The following TTLL6 variants were observed in gnomAD, a reference collection of about 807,000 sequenced individuals.
TTLL6 encodes the protein tubulin tyrosine ligase like 6.
Under a neutral mutation model 96.4 loss-of-function variants are expected in TTLL6, and 75 were observed. The ratio of observed to expected loss-of-function variants is 0.78; its 90% CI spans 0.65 to 0.94. The LOEUF is 0.94. Among genes scored for constraint, TTLL6 ranks in the 40% least tolerant of loss-of-function variants. The pLI is 0.00. For missense variants in TTLL6, 1,030 were observed against 1,093.0 expected (o/e 0.94, Z 0.81); for synonymous variants, 411 against 419.4 (o/e 0.98, Z 0.24).
chr17:48,817,032 G>A lies in TTLL6; in HGVS notation c.41C>T (p.Ala14Val). The A allele has an allele frequency of 6.5e-7, 1 of 1,544,270 alleles. No individual in the cohort carries two copies. The highest frequency in any genetic ancestry group is 8.7e-7 in the Non-Finnish European group (1 of 1,145,726). ...LLLHPSRRGP[A>V]GVVASWTSSP... ...GCTAGTCCAGCTTGCAACCACACCT[G>A]CCGGCCCCCTCCTCGAAGGATGAAG... Residue 14 changes from alanine (A) to valine (V), a missense_variant, in exon 1 of 16, where the codon GCA becomes GTA. Ala to Val is a moderately conservative substitution (Grantham distance 64). Coordinates refer to ENST00000393382, the MANE Select transcript of TTLL6 (RefSeq NM_001130918.3).
intron 13 of TTLL6, among the ~76,000 whole-genome samples, chr17:48,775,578 G>A (rs1018307345): frequency 6.6e-6 from 1 of 150,814 alleles, no homozygotes. Context: ...TTTTGCTCTT[G>A]TTGCCCAGGC....
chr17:48,762,793 C>A lies in TTLL6; in HGVS notation c.*181G>T. ...GCACTGTAAGCTAACTGGGAGGGAA[C>A]AGAGGCAGGGCTGTTGGCCCCATTG... On this transcript the variant is annotated 3_prime_UTR_variant, in exon 16 of 16. Transcript: ENST00000393382. The A allele has an allele frequency of 2.5e-6, 1 of 406,946 alleles. No homozygotes were observed. The highest frequency in any genetic ancestry group is 2.9e-5 in the Admixed American group (1 of 34,096). 25.2% of individuals were successfully genotyped at this position (406,946 alleles called of 1,614,324 possible). A position where few individuals can be genotyped will look rare whatever the true frequency, so the allele number is the denominator to read the frequency against.
In TTLL6 at chr17:48,816,988, C is replaced by A; in HGVS notation, c.85G>T (p.Gly29Trp). ...CTCTTACCCGCAATTCCTACTCCCC[C>A]GTCTCGCCCCGCTGGGCTGCTAGTC... ...SWTSSPAGRD[G>W]GVGIAGAWYF... is the part of the protein sequence containing the mutation. The change falls in exon 1 of 16, where the codon GGG becomes TGG. Residue 29 changes from glycine to tryptophan, a missense_variant. Coordinates refer to ENST00000393382, the MANE Select transcript of TTLL6 (RefSeq NM_001130918.3). 1.3e-6 allele frequency: 2 copies of A among 1,539,010 alleles called. No homozygotes were observed. The highest frequency in any genetic ancestry group is 1.4e-5 in the African/African-American group (1 of 72,586).
intron 13 of TTLL6, among the ~76,000 whole-genome samples, chr17:48,782,117 T>C (rs1567721017): frequency 6.7e-6 from 1 of 150,086 alleles, no homozygotes; most frequent in Non-Finnish European, 1.5e-5. Flanking sequence ...TTTTTTTTTT[T>C]TTTTTTGAGA....
At chr17:48,786,807 G>T (rs2039107641) in intron 11 of TTLL6, among the ~76,000 whole-genome samples, 1 of 151,298 alleles carries the variant, frequency 6.6e-6, no homozygotes, top group Admixed American at 6.6e-5. Flanking sequence ...GGACACAGGG[G>T]AGTTCTGGTC....
At chr17:48,776,532 T>A (rs1187031952) in intron 13 of TTLL6, among the ~76,000 whole-genome samples, 2 of 152,140 alleles carry the variant, frequency 1.3e-5, no homozygotes, top group Non-Finnish European at 2.9e-5. Context: ...TAAGAACAAC[T>A]GGAAATTAAA....
At chr17:48,813,127 AC>A (rs1199348997) in intron 1 of TTLL6, among the ~76,000 whole-genome samples, 1 of 152,030 alleles carries the variant, frequency 6.6e-6, no homozygotes. Context: ...TGTCCATCTG[AC>A]CCCACAGCCT....
At position 48,797,144 on chromosome 17, in the gene TTLL6, C is replaced by A; in HGVS notation, c.829G>T (p.Asp277Tyr). Residue 277 changes from aspartate (D) to tyrosine (Y), a missense_variant, in exon 7 of 16, where the codon GAC becomes TAC. Coordinates refer to ENST00000393382, the MANE Select transcript of TTLL6 (RefSeq NM_001130918.3). ...LRIYVLVTSC[D>Y]PLRIFVYNEG... ...TTGTACACAAAAATCCTGAGAGGGT[C>A]ACAGGATGTCACCAGTACATAAATC... is the stretch of plus-strand genomic sequence containing the variant. The A allele has an allele frequency of 6.4e-7, 1 of 1,551,494 alleles. No individual in the cohort carries two copies. Among genetic ancestry groups the A allele is most frequent in the Non-Finnish European group, 8.7e-7 (1 of 1,146,968 alleles).
intron 1 of TTLL6, among the ~76,000 whole-genome samples, chr17:48,810,821 GTGTGTATATATATATATATATATA>G (rs2039573532): frequency 1.9e-5 from 1 of 51,676 alleles, no homozygotes; most frequent in Non-Finnish European, 3.5e-5. Context: ...TATAGTATGT[GTGTGTATATATATATATATATATA>G]TATATATATA....
At chr17:48,779,638 C>A (rs1277823845) in intron 13 of TTLL6, among the ~76,000 whole-genome samples, 2 of 151,976 alleles carry the variant, frequency 1.3e-5, no homozygotes, top group Non-Finnish European at 2.9e-5. Context: ...AAATAAACAA[C>A]CAAACAAACA....
intron 10 of TTLL6, 77 bp from the exon 11 acceptor site, chr17:48,788,076 G>T: frequency 1.4e-6 from 2 of 1,407,066 alleles, no homozygotes; most frequent in Non-Finnish European, 2.0e-6. Context: ...CCAAGCTGGA[G>T]GTCGTCTAGG....
chr17:48,813,745 AATGTCCAC>A (rs1567739886), intron 1 of TTLL6, among the ~76,000 whole-genome samples: 4 of 152,090 alleles, frequency 2.6e-5, no homozygotes, highest in African/African-American at 9.7e-5. Flanking sequence ...TCTTTTCTCC[AATGTCCAC>A]ATTGTACCAG....
At chr17:48,796,347 C>T (rs1272356091) in intron 7 of TTLL6, among the ~76,000 whole-genome samples, 8 of 152,174 alleles carry the variant, frequency 5.3e-5, no homozygotes, top group Non-Finnish European at 1.2e-4. Context: ...TTCTGCTGGG[C>T]GTGGTGGCTC....
At chr17:48,806,841 A>G (rs2039512097) in intron 1 of TTLL6, among the ~76,000 whole-genome samples, 1 of 151,708 alleles carries the variant, frequency 6.6e-6, no homozygotes, top group African/African-American at 2.4e-5. Flanking sequence ...GACCAGCCTG[A>G]CCAACATGGC....
chr17:48,804,663 GCA>G (rs2039479061), intron 2 of TTLL6, 107 bp downstream of exon 2: 1 of 910,236 alleles, frequency 1.1e-6, no homozygotes, highest in Admixed American at 2.2e-5. Flanking sequence ...GACAGTCTCA[GCA>G]CACAGTTTCT....
chr17:48,786,350 C>A lies in TTLL6; in HGVS notation c.1590-15G>T. 6.2e-7 allele frequency: 1 copy of A among 1,614,196 alleles called. No homozygotes were observed. Among genetic ancestry groups the A allele is most frequent in the Non-Finnish European group, 8.5e-7 (1 of 1,180,006 alleles). On this transcript the variant is annotated splice_polypyrimidine_tract_variant and intron_variant, in intron 11 of 15. Transcript: ENST00000393382. ...GGATCAGTTGCCTGCCCATGAAGAA[C>A]AAGTGAACATCATGGGGGTTAGAAA... is the stretch of plus-strand genomic sequence containing the variant.
intron 13 of TTLL6, among the ~76,000 whole-genome samples, chr17:48,775,121 T>A (rs2038844715): frequency 6.7e-6 from 1 of 148,818 alleles, no homozygotes; most frequent in African/African-American, 2.5e-5. Context: ...AGACTCCATC[T>A]TAAAAAAAAA....
chr17:48,770,795 G>A lies in TTLL6; in HGVS notation c.2041-698C>T, dbSNP rs113296653. 8.4e-3 allele frequency among the ~76,000 whole-genome samples: 1,277 copies of A among 151,928 alleles called. 16 individuals carry two copies. Among genetic ancestry groups the A allele is most frequent in the African/African-American group, 0.029 (1,205 of 41,442 alleles). On this transcript the variant is annotated intron_variant, in intron 13 of 15. Transcript: ENST00000393382. ...CCCAAAGTGCTGGGATTACAGGCAT[G>A]AGCCTGTAATCTCCTGCCTCCTGGA...
chr17:48,810,126 C>A lies in TTLL6; in HGVS notation c.104-5135G>T, dbSNP rs192197840. The stretch of plus-strand genomic sequence containing the variant: ...TGTACTCCAGCCTGGACAACAAGAG[C>A]GAAACTCTGTCTCAAAAAAAAAAAA... On this transcript the variant is annotated intron_variant, in intron 1 of 15. Coordinates refer to ENST00000393382, the MANE Select transcript of TTLL6 (RefSeq NM_001130918.3). Among the ~76,000 whole-genome samples the A allele has an allele frequency of 1.0e-4, 12 of 116,414 alleles. No homozygotes were observed. In the East Asian group the frequency reaches 2.8e-3, roughly 28 times the overall value. 76.4% of individuals were successfully genotyped at this position (116,414 alleles called of 152,430 possible). A position where few individuals can be genotyped will look rare whatever the true frequency, so the allele number is the denominator to read the frequency against.
Sources: gnomAD v4.1 joint callset for allele counts (sites outside exome capture counted in the v4.1 genomes callset) on GRCh38, gnomAD v4.1.1 for gene constraint, MANE v1.5 for transcripts, NCBI Gene and HGNC (gene_info 2026-07-23, HGNC 2026-07-21) for gene names.